The following ADAMTS5 variants were observed in gnomAD, a reference collection of about 807,000 sequenced individuals.
The protein encoded by ADAMTS5 is A disintegrin and metalloproteinase with thrombospondin motifs 5.
In ADAMTS5, 54 loss-of-function variants were observed where a neutral mutation model predicts 81.4. The ratio of observed to expected loss-of-function variants is 0.66; its 90% CI spans 0.53 to 0.83. The LOEUF (loss-of-function observed/expected upper bound fraction) is 0.83. Ranked by LOEUF, ADAMTS5 falls within the 40% of genes least tolerant of loss-of-function variation. The pLI is 0.00. For missense variants in ADAMTS5, 1,194 were observed against 1,229.9 expected, an observed-to-expected ratio of 0.97 and a Z score of 0.44; for synonymous variants, 532 against 508.8, an observed-to-expected ratio of 1.05 and a Z score of -0.61.
chr21:26,955,965 T>G (rs532419571), intron 1 of ADAMTS5, among the ~76,000 whole-genome samples: 1 of 152,342 alleles, frequency 6.6e-6, no homozygotes, highest in Non-Finnish European at 1.5e-5. Context: ...CAACAATCAT[T>G]TTTGTATGCC....
chr21:26,929,821 A>G (rs1423056912), intron 7 of ADAMTS5, 65 bp downstream of exon 7: 2 of 1,509,310 alleles, frequency 1.3e-6, no homozygotes, highest in East Asian at 2.3e-5. Flanking sequence ...ATCCTCCTTT[A>G]TCAATTCTGC....
At chr21:26,951,657 C>A (rs1037598110) in intron 2 of ADAMTS5, among the ~76,000 whole-genome samples, 2 of 117,520 alleles carry the variant, frequency 1.7e-5, no homozygotes, top group Non-Finnish European at 3.3e-5. Flanking sequence ...CCAGCCTGGG[C>A]AACAAGAGTG....
intron 2 of ADAMTS5, 88 bp from the exon 3 acceptor site, chr21:26,943,635 T>C (rs1208265121): frequency 4.6e-6 from 6 of 1,297,340 alleles, no homozygotes; most frequent in Non-Finnish European, 6.3e-6. Flanking sequence ...TTGATTTTTT[T>C]CCCCTAATTG....
At position 26,965,818 on chromosome 21, in the gene ADAMTS5, C is replaced by T. The variant is rs542238661; in HGVS notation, c.574G>A (p.Val192Ile). 4 of 1,609,712 alleles carry T rather than the reference C, an allele frequency of 2.5e-6. No individual in the cohort carries two copies. Among genetic ancestry groups the T allele is most frequent in the East Asian group, 4.5e-5 (2 of 44,672 alleles). ...AAGCTGAAGCCCTCGCGGGTGTAGA[C>T]GTGCAGGATCCGTGCGGACCCATCC... ...YGDGSARILH[V>I]YTREGFSFEA... is the part of the protein sequence containing the mutation. The change falls in exon 1 of 8, where the codon GTC becomes ATC. Residue 192 changes from valine to isoleucine, a missense_variant. Val to Ile is a conservative substitution (Grantham distance 29). Transcript: ENST00000284987.
Position 26,958,838 on chromosome 21 carries a change from G to A in ADAMTS5, c.1105-3967C>T, listed in dbSNP as rs143657195. Among the ~76,000 whole-genome samples the A allele has an allele frequency of 2.2e-3, 342 of 152,342 alleles. 2 individuals carry two copies. The highest frequency in any genetic ancestry group is 7.4e-3 in the African/African-American group (308 of 41,582). Reference sequence around the variant, plus strand: ...GTTCAGGGAGAACAGAAGAGGCATTGATGAATTCTCCTTGAGGGAATCCAT... The same window carrying A: ...GTTCAGGGAGAACAGAAGAGGCATTAATGAATTCTCCTTGAGGGAATCCAT... On this transcript the variant is annotated intron_variant, in intron 1 of 7. Coordinates refer to ENST00000284987, the MANE Select transcript of ADAMTS5 (RefSeq NM_007038.5).
chr21:26,934,469 A>T lies in ADAMTS5; in HGVS notation c.1686T>A (p.Tyr562Ter), dbSNP rs1415193264. The T allele has an allele frequency of 6.2e-7, 1 of 1,614,154 alleles. No individual in the cohort carries two copies. The highest frequency in any genetic ancestry group is 1.7e-4 in the Middle Eastern group (1 of 6,060). ...KCVDKTKKKY[Y>*]STSSHGNWGS... ...GACTGATGAGAAAATCACTTACTGA[A>T]TAATATTTTTTCTTGGTTTTGTCCA... Residue 562 changes from tyrosine (Y) to a stop codon, truncating the protein, a stop_gained, in exon 4 of 8, where the codon TAT becomes TAA. Coordinates refer to ENST00000284987, the MANE Select transcript of ADAMTS5 (RefSeq NM_007038.5). LOFTEE classifies it high-confidence loss of function.
rs749677254 is a variant in ADAMTS5 at position 26,923,931 on chromosome 21, A to G, written c.*122T>C. 1.2e-4 allele frequency: 122 copies of G among 1,013,368 alleles called. No homozygotes were observed. Among genetic ancestry groups the G allele is most frequent in the Non-Finnish European group, 1.6e-4 (114 of 713,528 alleles). 62.8% of individuals were successfully genotyped at this position (1,013,368 alleles called of 1,614,324 possible). ...GAGAGCAGATTCTGCCCATAATTGG[A>G]CTCCTGTTGACAATGTCACTGAAGC... is the stretch of plus-strand genomic sequence containing the variant. On this transcript the variant is annotated 3_prime_UTR_variant, in exon 8 of 8. Coordinates refer to ENST00000284987, the MANE Select transcript of ADAMTS5 (RefSeq NM_007038.5).
intron 1 of ADAMTS5, among the ~76,000 whole-genome samples, chr21:26,964,925 A>G (rs369038076): frequency 5.9e-5 from 9 of 152,234 alleles, no homozygotes; most frequent in East Asian, 1.9e-4. Flanking sequence ...AAGAAGACCC[A>G]TGATCCCAAA....
intron 6 of ADAMTS5, among the ~76,000 whole-genome samples, chr21:26,930,465 T>C (rs768117009): frequency 6.6e-6 from 1 of 152,234 alleles, no homozygotes; most frequent in South Asian, 2.1e-4. Flanking sequence ...TGTTGCATAG[T>C]TGTTATTATA....
chr21:26,941,731 A>G (rs1260218088), intron 3 of ADAMTS5, among the ~76,000 whole-genome samples: 1 of 152,136 alleles, frequency 6.6e-6, no homozygotes, highest in Non-Finnish European at 1.5e-5. Flanking sequence ...GAAATAAAAT[A>G]TTAATGTTAT....
chr21:26,933,400 C>T (rs1986951701), intron 4 of ADAMTS5, among the ~76,000 whole-genome samples: 1 of 152,200 alleles, frequency 6.6e-6, no homozygotes, highest in African/African-American at 2.4e-5. Flanking sequence ...TTTGTCCACT[C>T]TGATGTTGGA....
At chr21:26,944,501 A>G (rs1987176899) in intron 2 of ADAMTS5, among the ~76,000 whole-genome samples, 1 of 152,226 alleles carries the variant, frequency 6.6e-6, no homozygotes. Context: ...GTCTAAAGAT[A>G]AAATGATATT....
chr21:26,928,229 T>C (rs1986839258), intron 7 of ADAMTS5, among the ~76,000 whole-genome samples: 1 of 152,176 alleles, frequency 6.6e-6, no homozygotes, highest in African/African-American at 2.4e-5. Flanking sequence ...GAGCCAAAGC[T>C]TGATTACAAA....
At position 26,965,781 on chromosome 21, in the gene ADAMTS5, G is replaced by A. The variant is rs1987639797; in HGVS notation, c.611C>T (p.Pro204Leu). 4.4e-6 allele frequency: 7 copies of A among 1,602,594 alleles called. No homozygotes were observed. The South Asian group carries it at 6.7e-5, about 15-fold the overall frequency. The change falls in exon 1 of 8, where the codon CCG becomes CTG. Residue 204 changes from proline to leucine, a missense_variant. Transcript: ENST00000284987. The stretch of plus-strand genomic sequence containing the variant: ...GGGGGTTTCGCAGCTGGCGCGCGGC[G>A]GCAGGGCCTCGAAGCTGAAGCCCTC... Reference protein sequence around the residue: ...TREGFSFEALPPRASCETPAS... With the variant: ...TREGFSFEALLPRASCETPAS...
chr21:26,946,191 G>T lies in ADAMTS5; in HGVS notation c.1238-2644C>A, dbSNP rs189483355. Among the ~76,000 whole-genome samples, 358 of 152,290 alleles carry T rather than the reference G, an allele frequency of 2.4e-3. 2 individuals carry two copies. The highest frequency in any genetic ancestry group is 8.4e-3 in the African/African-American group (347 of 41,556). The stretch of plus-strand genomic sequence containing the variant: ...TATGAAAGGGAAGATCAATGTGAGG[G>T]ATGTTTGGATGCTCTTCAGGAAAGA... On this transcript the variant is annotated intron_variant, in intron 2 of 7. Coordinates refer to ENST00000284987, the MANE Select transcript of ADAMTS5 (RefSeq NM_007038.5).
At chr21:26,961,406 A>G (rs1477988056) in intron 1 of ADAMTS5, among the ~76,000 whole-genome samples, 1 of 152,240 alleles carries the variant, frequency 6.6e-6, no homozygotes, top group East Asian at 1.9e-4. Flanking sequence ...GGCAGAATTA[A>G]CTGTTACCTT....
In ADAMTS5 at chr21:26,957,060, A is replaced by G. The variant is rs984866911; in HGVS notation, c.1105-2189T>C. Among the ~76,000 whole-genome samples the G allele has an allele frequency of 1.7e-4, 26 of 152,198 alleles. 1 individual carries two copies. Among genetic ancestry groups the G allele is most frequent in the Admixed American group, 1.7e-3 (26 of 15,286 alleles). ...TGTAAACTGGCAACCTTTCCATTTC[A>G]CTCACACAATTTCAAATCTTGGCAA... On this transcript the variant is annotated intron_variant, in intron 1 of 7. Coordinates refer to ENST00000284987, the MANE Select transcript of ADAMTS5 (RefSeq NM_007038.5).
chr21:26,958,982 A>G (rs1363043373), intron 1 of ADAMTS5, among the ~76,000 whole-genome samples: 1 of 152,208 alleles, frequency 6.6e-6, no homozygotes, highest in Non-Finnish European at 1.5e-5. Context: ...GGGAATGACA[A>G]GAAGTTTGTT....
chr21:26,942,002 A>G (rs958146981), intron 3 of ADAMTS5, among the ~76,000 whole-genome samples: 5 of 151,824 alleles, frequency 3.3e-5, no homozygotes, highest in African/African-American at 9.7e-5. Context: ...CCAAGTCTTT[A>G]AATTATTGAC....
Sources: allele counts gnomAD v4.1 joint callset (sites outside exome capture counted in the v4.1 genomes callset), GRCh38; gene constraint gnomAD v4.1.1; transcripts MANE v1.5; gene names NCBI Gene and HGNC (gene_info 2026-07-23, HGNC 2026-07-21).